EXOC6B: variants seen among roughly 807,000 people sequenced by gnomAD.
The protein encoded by EXOC6B is SEC15 homolog B.
Under a neutral mutation model 113.5 loss-of-function variants are expected in EXOC6B, and 54 were observed. That is an observed-to-expected ratio of 0.48 (90% CI 0.38 to 0.60). The LOEUF (loss-of-function observed/expected upper bound fraction) is 0.60. EXOC6B is among the 20% of genes least tolerant of loss of function. EXOC6B has a pLI of 0.00. For synonymous variants in EXOC6B, 357 were observed against 339.0 expected (o/e 1.05, Z -0.58); for missense variants, 797 against 977.5 (o/e 0.82, Z 2.46).
chr2:72,415,059 A>G (rs1156949161), intron 18 of EXOC6B, among the ~76,000 whole-genome samples: 1 of 152,178 alleles, frequency 6.6e-6, no homozygotes, highest in Admixed American at 6.6e-5. Flanking sequence ...TTTATGCTAA[A>G]TGATATTAAC....
In EXOC6B at chr2:72,741,600, T is replaced by C. The variant is rs1339995691; in HGVS notation, c.114-131A>G. 4 of 663,612 alleles carry C rather than the reference T, an allele frequency of 6.0e-6. No homozygotes were observed. In the African/African-American group the frequency reaches 7.4e-5, roughly 12 times the overall value. 41.1% of individuals were successfully genotyped at this position (663,612 alleles called of 1,614,324 possible). A position where few individuals can be genotyped will look rare whatever the true frequency, so the allele number is the denominator to read the frequency against. On this transcript the variant is annotated intron_variant, in intron 1 of 21. Coordinates refer to ENST00000272427, the MANE Select transcript of EXOC6B (RefSeq NM_015189.3). ...TCCAACTGTATATTAACATGCCTTA[T>C]TGTTAAATGAGTATTTTTAAGGAAA...
chr2:72,597,163 A>G (rs1304078077), intron 6 of EXOC6B, among the ~76,000 whole-genome samples: 1 of 151,496 alleles, frequency 6.6e-6, no homozygotes, highest in Non-Finnish European at 1.5e-5. Flanking sequence ...TTGTTCACTT[A>G]AAAATGGTTA....
chr2:72,490,755 A>G (rs1573242377), intron 16 of EXOC6B, among the ~76,000 whole-genome samples: 1 of 152,122 alleles, frequency 6.6e-6, no homozygotes, highest in South Asian at 2.1e-4. Context: ...TGTTCTTCCT[A>G]TTATTACCTG....
At chr2:72,647,786 G>T (rs1314672026) in intron 6 of EXOC6B, among the ~76,000 whole-genome samples, 2 of 151,998 alleles carry the variant, frequency 1.3e-5, no homozygotes, top group Non-Finnish European at 1.5e-5. Flanking sequence ...AATTCAAGAT[G>T]GATTAAAGAC....
chr2:72,681,172 A>T (rs1676674030), intron 6 of EXOC6B, among the ~76,000 whole-genome samples: 1 of 152,126 alleles, frequency 6.6e-6, no homozygotes, highest in African/African-American at 2.4e-5. Context: ...ATCTTTCAAC[A>T]CACATCCATA....
intron 19 of EXOC6B, among the ~76,000 whole-genome samples, chr2:72,350,146 T>C (rs1689569767): frequency 6.6e-6 from 1 of 152,232 alleles, no homozygotes; most frequent in Non-Finnish European, 1.5e-5. Context: ...TATGCATTTT[T>C]ATCTACATGG....
At chr2:72,437,812 A>G (rs1235567245) in intron 18 of EXOC6B, among the ~76,000 whole-genome samples, 1 of 152,238 alleles carries the variant, frequency 6.6e-6, no homozygotes, top group Non-Finnish European at 1.5e-5. Flanking sequence ...GCTCTTACAT[A>G]GGTCTTTAAT....
chr2:72,648,429 G>C (rs1463878664), intron 6 of EXOC6B, among the ~76,000 whole-genome samples: 1 of 152,052 alleles, frequency 6.6e-6, no homozygotes, highest in Non-Finnish European at 1.5e-5. Flanking sequence ...CCCATTACTG[G>C]GTATATACCC....
intron 6 of EXOC6B, among the ~76,000 whole-genome samples, chr2:72,639,908 G>A (rs1471283152): frequency 6.6e-6 from 1 of 152,184 alleles, no homozygotes; most frequent in Non-Finnish European, 1.5e-5. Context: ...AAGCCAACAA[G>A]GATGAGAAAG....
At chr2:72,267,752 T>C (rs1559077492) in intron 20 of EXOC6B, among the ~76,000 whole-genome samples, 1 of 152,184 alleles carries the variant, frequency 6.6e-6, no homozygotes, top group Non-Finnish European at 1.5e-5. Flanking sequence ...GCCAATGCCC[T>C]AGAGATCTGT....
intron 2 of EXOC6B, among the ~76,000 whole-genome samples, chr2:72,733,829 C>G (rs370617465): frequency 2.8e-4 from 43 of 152,190 alleles, no homozygotes; most frequent in African/African-American, 1.0e-3. Context: ...GCAATACTAA[C>G]TTCTAAAATG....
intron 1 of EXOC6B, among the ~76,000 whole-genome samples, chr2:72,804,203 T>C (rs1054536988): frequency 1.2e-4 from 19 of 152,182 alleles, no homozygotes; most frequent in Admixed American, 9.8e-4. Flanking sequence ...AAAGCAAAAC[T>C]AGTTCAAGCA....
At chr2:72,781,731 T>A (rs1036480469) in intron 1 of EXOC6B, among the ~76,000 whole-genome samples, 1 of 152,066 alleles carries the variant, frequency 6.6e-6, no homozygotes, top group Non-Finnish European at 1.5e-5. Context: ...TACTTGGAAG[T>A]GACTCATACG....
chr2:72,379,598 T>C, intron 19 of EXOC6B, 131 bp downstream of exon 19: 1 of 818,796 alleles, frequency 1.2e-6, no homozygotes, highest in Non-Finnish European at 1.8e-6. Flanking sequence ...GTTCTATAAG[T>C]TATCTCTGTT....
chr2:72,244,307 T>A (rs556630816), intron 20 of EXOC6B, among the ~76,000 whole-genome samples: 1 of 152,276 alleles, frequency 6.6e-6, no homozygotes, highest in South Asian at 2.1e-4. Flanking sequence ...GGATAAAGCA[T>A]GAGTCAAAAT....
intron 16 of EXOC6B, among the ~76,000 whole-genome samples, chr2:72,485,923 G>A (rs1699398628): frequency 6.6e-6 from 1 of 152,160 alleles, no homozygotes; most frequent in Admixed American, 6.6e-5. Context: ...TCACCAGAAG[G>A]AACTCTGAAC....
At chr2:72,515,931 T>C (rs941400484) in intron 8 of EXOC6B, among the ~76,000 whole-genome samples, 11 of 151,972 alleles carry the variant, frequency 7.2e-5, no homozygotes, top group African/African-American at 2.7e-4. Context: ...CAGAGACACA[T>C]GGGGAGAACA....
intron 1 of EXOC6B, among the ~76,000 whole-genome samples, chr2:72,822,032 T>TA (rs1686610563): frequency 6.6e-6 from 1 of 152,174 alleles, no homozygotes; most frequent in Non-Finnish European, 1.5e-5. Context: ...AACAAAATCT[T>TA]AAACAACAAT....
chr2:72,382,385 G>A (rs942539036), intron 18 of EXOC6B, among the ~76,000 whole-genome samples: 1 of 152,250 alleles, frequency 6.6e-6, no homozygotes, highest in Admixed American at 6.5e-5. Flanking sequence ...CATTCCATTG[G>A]TCTATGTGTC....
Sources: gnomAD v4.1 joint callset for allele counts (sites outside exome capture counted in the v4.1 genomes callset) on GRCh38, gnomAD v4.1.1 for gene constraint, MANE v1.5 for transcripts, NCBI Gene and HGNC (gene_info 2026-07-23, HGNC 2026-07-21) for gene names.